Variants in CTNNBL1 observed in about 807,000 individuals in gnomAD.
The protein encoded by CTNNBL1 is beta-catenin-like protein 1.
A neutral mutation model predicts 72.7 loss-of-function variants in CTNNBL1; 31 were observed. The observed-to-expected ratio is 0.43, with a 90% confidence interval of 0.32 to 0.58. CTNNBL1 has a LOEUF of 0.58. Ranked by LOEUF, CTNNBL1 falls within the 20% of genes least tolerant of loss-of-function variation. The pLI, the probability that CTNNBL1 is intolerant of heterozygous loss-of-function variation, is 0.08. For synonymous variants in CTNNBL1, 240 were observed against 267.3 expected, an observed-to-expected ratio of 0.90 and a Z score of 1.00; for missense variants, 534 against 725.1, an observed-to-expected ratio of 0.74 and a Z score of 3.03.
At chr20:37,863,831 C>T (rs578246829) in intron 15 of CTNNBL1, among the ~76,000 whole-genome samples, 7 of 152,256 alleles carry the variant, frequency 4.6e-5, no homozygotes, top group East Asian at 3.9e-4. Context: ...GGGAATTAAA[C>T]GCCATTGCTC....
chr20:37,864,452 G>T (rs1043820505), intron 15 of CTNNBL1, among the ~76,000 whole-genome samples: 2 of 152,040 alleles, frequency 1.3e-5, no homozygotes, highest in Non-Finnish European at 2.9e-5. Flanking sequence ...CAAGCCCAGC[G>T]GGGGACTTTT....
At chr20:37,824,368 G>A (rs963292914) in intron 11 of CTNNBL1, among the ~76,000 whole-genome samples, 20 of 152,236 alleles carry the variant, frequency 1.3e-4, no homozygotes, top group African/African-American at 4.3e-4. Flanking sequence ...ACCAATGCTT[G>A]CATTTGGCAC....
intron 1 of CTNNBL1, among the ~76,000 whole-genome samples, chr20:37,726,610 G>A (rs2073087210): frequency 6.6e-6 from 1 of 152,092 alleles, no homozygotes. Flanking sequence ...TGCCCCATTT[G>A]GAAGATCATT....
chr20:37,765,202 T>C lies in CTNNBL1; in HGVS notation c.570T>C (p.Asp190=). 2 of 1,550,864 alleles carry C rather than the reference T, an allele frequency of 1.3e-6. No individual in the cohort carries two copies. Among genetic ancestry groups the C allele is most frequent in the Non-Finnish European group, 1.7e-6 (2 of 1,146,246 alleles). ...TTGCTTCGCTATTCTTGCAGGTGGA[T>C]GGGCAGGTGGTAGCACTGCTGGTAC... The part of the protein sequence containing the change: ...GAEVLIDALV[D]GQVVALLVQN... The change falls in exon 6 of 16, where the codon GAT becomes GAC. Residue 190 remains aspartate, a synonymous_variant. Coordinates refer to ENST00000361383, the MANE Select transcript of CTNNBL1 (RefSeq NM_030877.5).
intron 5 of CTNNBL1, 96 bp from the exon 6 acceptor site, chr20:37,765,101 T>C (rs2073453956): frequency 1.3e-6 from 1 of 790,012 alleles, no homozygotes; most frequent in South Asian, 1.5e-5. Context: ...ACTTACTTTG[T>C]TCATTCAAAT....
chr20:37,786,958 G>A (rs991895389), intron 10 of CTNNBL1, among the ~76,000 whole-genome samples: 1 of 152,122 alleles, frequency 6.6e-6, no homozygotes, highest in African/African-American at 2.4e-5. Context: ...CATTTGAATA[G>A]AATTTGTGTT....
chr20:37,862,121 TGGACAC>T (rs2072496323), intron 15 of CTNNBL1, among the ~76,000 whole-genome samples: 1 of 47,928 alleles, frequency 2.1e-5, no homozygotes, highest in Non-Finnish European at 4.2e-5. Flanking sequence ...AGGGGTCTGA[TGGACAC>T]AGCCCCACTC....
intron 11 of CTNNBL1, among the ~76,000 whole-genome samples, chr20:37,837,068 G>A (rs1262126815): frequency 1.3e-5 from 2 of 152,022 alleles, no homozygotes; most frequent in East Asian, 3.9e-4. Context: ...TTCCAACTTG[G>A]TTGGCACAAG....
intron 5 of CTNNBL1, among the ~76,000 whole-genome samples, chr20:37,762,827 A>C (rs888816322): frequency 6.6e-6 from 1 of 152,244 alleles, no homozygotes; most frequent in Admixed American, 6.5e-5. Context: ...CCAACTAAAC[A>C]TAAAGTTTCA....
chr20:37,717,037 A>G (rs908025791), intron 1 of CTNNBL1, among the ~76,000 whole-genome samples: 1 of 152,142 alleles, frequency 6.6e-6, no homozygotes, highest in Non-Finnish European at 1.5e-5. Flanking sequence ...CTCACACATG[A>G]TCCGGTTCTC....
chr20:37,741,143 G>A (rs1327942113), intron 3 of CTNNBL1, among the ~76,000 whole-genome samples: 3 of 152,186 alleles, frequency 2.0e-5, no homozygotes, highest in Non-Finnish European at 4.4e-5. Flanking sequence ...ATCTCAGCCT[G>A]GGTTACTGTT....
chr20:37,860,390 A>G lies in CTNNBL1; in HGVS notation c.1603+46A>G, dbSNP rs771224688. On this transcript the variant is annotated intron_variant, in intron 15 of 15. Coordinates refer to ENST00000361383, the MANE Select transcript of CTNNBL1 (RefSeq NM_030877.5). ...GTCTGGGGCTCCAGAGGATTAGATG[A>G]TGCTTACTTTCTGAGCCTCTGTCAG... 9.8e-6 allele frequency: 14 copies of G among 1,431,130 alleles called. No individual in the cohort carries two copies. The East Asian group carries it at 3.0e-4, about 30-fold the overall frequency. 88.7% of individuals were successfully genotyped at this position (1,431,130 alleles called of 1,614,324 possible).
chr20:37,768,144 T>C (rs2073487834), intron 7 of CTNNBL1, 100 bp downstream of exon 7: 3 of 980,304 alleles, frequency 3.1e-6, no homozygotes, highest in Non-Finnish European at 4.7e-6. Flanking sequence ...GGCCATATGA[T>C]CTAGTTTGGG....
chr20:37,763,689 CTTTTT>C (rs1013388318), intron 5 of CTNNBL1, among the ~76,000 whole-genome samples: 12 of 152,148 alleles, frequency 7.9e-5, no homozygotes, highest in Non-Finnish European at 1.6e-4. Context: ...TCGTTTCCTT[CTTTTT>C]TCTCCCTCCA....
chr20:37,796,295 T>C (rs1345163959), intron 10 of CTNNBL1, among the ~76,000 whole-genome samples: 1 of 152,188 alleles, frequency 6.6e-6, no homozygotes, highest in Non-Finnish European at 1.5e-5. Flanking sequence ...TGCAGCTCTC[T>C]GCTGTGAACT....
intron 3 of CTNNBL1, 51 bp from the exon 4 acceptor site, chr20:37,746,417 A>C: frequency 6.3e-7 from 1 of 1,591,850 alleles, no homozygotes; most frequent in East Asian, 2.2e-5. Flanking sequence ...TTTGCTCCTC[A>C]TTGCTGATAG....
At chr20:37,804,379 A>G (rs1290858067) in intron 11 of CTNNBL1, among the ~76,000 whole-genome samples, 1 of 152,018 alleles carries the variant, frequency 6.6e-6, no homozygotes, top group Non-Finnish European at 1.5e-5. Context: ...TTTAAAACTC[A>G]CAACCTATGA....
chr20:37,823,383 C>T (rs553584205), intron 11 of CTNNBL1, among the ~76,000 whole-genome samples: 2 of 152,256 alleles, frequency 1.3e-5, no homozygotes, highest in South Asian at 4.2e-4. Flanking sequence ...AACATAAGGC[C>T]GCCTTGGGTC....
intron 15 of CTNNBL1, among the ~76,000 whole-genome samples, chr20:37,867,992 G>T (rs754207923): frequency 6.6e-6 from 1 of 152,268 alleles, no homozygotes; most frequent in East Asian, 1.9e-4. Flanking sequence ...GCCTGGCTCC[G>T]TGGCCGGCTC....
Sources: allele counts gnomAD v4.1 joint callset (sites outside exome capture counted in the v4.1 genomes callset), GRCh38; gene constraint gnomAD v4.1.1; transcripts MANE v1.5; gene names NCBI Gene and HGNC (gene_info 2026-07-23, HGNC 2026-07-21).